Variants in FBXL13 observed in about 807,000 individuals in gnomAD.
The protein encoded by FBXL13 is F-box and leucine rich repeat protein 13.
A neutral mutation model predicts 83.6 loss-of-function variants in FBXL13; 67 were observed. That is an observed-to-expected ratio of 0.80 (90% CI 0.66 to 0.98). The LOEUF (loss-of-function observed/expected upper bound fraction) is 0.98, where lower values mean the gene tolerates loss of function less well. FBXL13 is among the 50% of genes least tolerant of loss of function. FBXL13 has a pLI of 0.00. For synonymous variants in FBXL13, 272 were observed against 299.5 expected, an observed-to-expected ratio of 0.91 and a Z score of 0.95; for missense variants, 822 against 866.5, an observed-to-expected ratio of 0.95 and a Z score of 0.64.
chr7:102,899,430 G>A (rs1584838562), intron 11 of FBXL13, among the ~76,000 whole-genome samples: 1 of 152,178 alleles, frequency 6.6e-6, no homozygotes, highest in East Asian at 1.9e-4. Context: ...TCTTTGTGAA[G>A]ATTTCATTCT....
chr7:102,955,154 T>A (rs1824051303), intron 8 of FBXL13, among the ~76,000 whole-genome samples: 2 of 152,144 alleles, frequency 1.3e-5, no homozygotes, highest in Admixed American at 1.3e-4. Context: ...AAAGCACTCC[T>A]CAGCAAATGT....
chr7:103,000,132 A>C lies in FBXL13; in HGVS notation c.495+24931T>G, dbSNP rs73410108. Among the ~76,000 whole-genome samples the C allele has an allele frequency of 9.9e-3, 1,512 of 152,184 alleles. 24 individuals are homozygous for C. The highest frequency in any genetic ancestry group is 0.034 in the African/African-American group (1,413 of 41,520). The stretch of plus-strand genomic sequence containing the variant: ...ATTTTTTTAACTTAAGATATTTAAA[A>C]ATTTTCATCTTAATTTCTTCACTGA... On this transcript the variant is annotated intron_variant, in intron 6 of 19. Coordinates refer to ENST00000313221, the Ensembl canonical transcript of FBXL13.
chr7:103,013,753 A>T (rs1007384548), intron 6 of FBXL13, among the ~76,000 whole-genome samples: 1 of 152,162 alleles, frequency 6.6e-6, no homozygotes, highest in East Asian at 1.9e-4. Flanking sequence ...ACCAACCCCA[A>T]GACTAGCAGA....
Position 102,928,214 on chromosome 7 carries a change from G to A in FBXL13, c.778-1840C>T, listed in dbSNP as rs879597780. ...GGTAATGCATTCTCTACATTTTCCT[G>A]TCTAAAGAAGCTTGAACATCCAAAC... On this transcript the variant is annotated intron_variant, in intron 9 of 19. Transcript: ENST00000313221. Among the ~76,000 whole-genome samples the A allele has an allele frequency of 1.4e-4, 22 of 152,266 alleles. 1 individual carries two copies. The highest frequency in any genetic ancestry group is 2.1e-4 in the South Asian group (1 of 4,816).
intron 2 of FBXL13, among the ~76,000 whole-genome samples, chr7:103,040,396 G>T (rs1044938555): frequency 1.1e-4 from 16 of 152,124 alleles, no homozygotes; most frequent in African/African-American, 3.6e-4. Context: ...ACACCCCACT[G>T]TCAACATTAG....
At chr7:102,888,729 GT>G (rs370127425) in intron 11 of FBXL13, among the ~76,000 whole-genome samples, 4 of 150,798 alleles carry the variant, frequency 2.7e-5, no homozygotes, top group African/African-American at 9.7e-5. Context: ...GTTTGTTTTT[GT>G]TTTTTTTTGT....
At chr7:103,052,585 G>A (rs552649990) in intron 2 of FBXL13, among the ~76,000 whole-genome samples, 20 of 152,200 alleles carry the variant, frequency 1.3e-4, no homozygotes, top group African/African-American at 3.9e-4. Context: ...AAATATTTTC[G>A]TCATTGCTTT....
At chr7:103,001,828 C>A (rs1790432293) in intron 6 of FBXL13, among the ~76,000 whole-genome samples, 1 of 152,202 alleles carries the variant, frequency 6.6e-6, no homozygotes, top group South Asian at 2.1e-4. Flanking sequence ...CTGTCAGCTT[C>A]CCTAGTTCTG....
chr7:102,886,524 T>A (rs1810814838), intron 11 of FBXL13, among the ~76,000 whole-genome samples: 1 of 152,210 alleles, frequency 6.6e-6, no homozygotes, highest in Non-Finnish European at 1.5e-5. Flanking sequence ...TTCCTGACCC[T>A]TAGATTAGAC....
chr7:102,938,618 T>C (rs919393720), intron 8 of FBXL13, among the ~76,000 whole-genome samples: 6 of 152,220 alleles, frequency 3.9e-5, no homozygotes, highest in Non-Finnish European at 8.8e-5. Context: ...GCATACCACA[T>C]AGTACCTGGA....
intron 16 of FBXL13, among the ~76,000 whole-genome samples, chr7:102,862,880 A>G (rs147089840): frequency 1.1e-4 from 16 of 152,242 alleles, no homozygotes; most frequent in Non-Finnish European, 1.9e-4. Flanking sequence ...AATCTATTCA[A>G]TACATACTGA....
chr7:102,953,199 GAAGGAAA>G (rs1475698117), intron 8 of FBXL13, among the ~76,000 whole-genome samples: 2 of 152,042 alleles, frequency 1.3e-5, no homozygotes, highest in African/African-American at 4.8e-5. Context: ...GACATCACAA[GAAGGAAA>G]AACTACAGAG....
intron 7 of FBXL13, 101 bp downstream of exon 8, chr7:102,967,921 C>G (rs1826168218): frequency 1.3e-6 from 1 of 778,998 alleles, no homozygotes. Flanking sequence ...CTGGTGACCA[C>G]AGAGCATGGA....
intron 7 of FBXL13, among the ~76,000 whole-genome samples, chr7:102,965,782 A>G (rs1825908862): frequency 6.6e-6 from 1 of 152,208 alleles, no homozygotes. Context: ...TGTTTCTTGT[A>G]AGATACTTTA....
intron 2 of FBXL13, among the ~76,000 whole-genome samples, chr7:103,041,099 A>G (rs891488254): frequency 6.6e-6 from 1 of 152,176 alleles, no homozygotes; most frequent in African/African-American, 2.4e-5. Flanking sequence ...AAAGAAGAAA[A>G]GAGAGAAGAA....
At chr7:102,938,553 T>C (rs1041732156) in intron 8 of FBXL13, among the ~76,000 whole-genome samples, 1 of 152,148 alleles carries the variant, frequency 6.6e-6, no homozygotes, top group Non-Finnish European at 1.5e-5. Flanking sequence ...CAAGTAAATA[T>C]GGTATTTGTT....
At chr7:102,976,990 C>A (rs183224539) in intron 6 of FBXL13, among the ~76,000 whole-genome samples, 28 of 152,296 alleles carry the variant, frequency 1.8e-4, no homozygotes, top group Admixed American at 1.6e-3. Context: ...TTCCATTACA[C>A]CCTGATTCCC....
rs1428420506 is a variant in FBXL13, at chr7:103,012,513, T to TA, written c.495+12549dup. On this transcript the variant is annotated intron_variant, in intron 6 of 19. Coordinates refer to ENST00000313221, the Ensembl canonical transcript of FBXL13. Reference sequence around the variant, plus strand: ...TGGGGGAGCCTATATTCAGCATTCTTAAAAAACATAATTTTCAACCAAGAA... The same window carrying TA: ...TGGGGGAGCCTATATTCAGCATTCTTAAAAAAACATAATTTTCAACCAAGAA... Among the ~76,000 whole-genome samples, 5 of 152,098 alleles carry TA rather than the reference T, an allele frequency of 3.3e-5. 1 individual carries two copies. Among genetic ancestry groups the TA allele is most frequent in the Admixed American group, 1.3e-4 (2 of 15,278 alleles).
At chr7:102,921,226 A>G (rs1282862747) in intron 10 of FBXL13, among the ~76,000 whole-genome samples, 1 of 152,266 alleles carries the variant, frequency 6.6e-6, no homozygotes, top group Non-Finnish European at 1.5e-5. Context: ...AAATGCTATA[A>G]TCTGTAATGA....
Sources: allele counts gnomAD v4.1 joint callset (sites outside exome capture counted in the v4.1 genomes callset), GRCh38; gene constraint gnomAD v4.1.1; transcripts MANE v1.5; gene names NCBI Gene and HGNC (gene_info 2026-07-23, HGNC 2026-07-21).